Variants in PRKG1 observed in about 807,000 individuals in gnomAD.
The protein encoded by PRKG1 is cGMP-dependent protein kinase 1.
PRKG1 carries 35 observed loss-of-function variants against 88.1 expected under a neutral mutation model. The observed-to-expected ratio is 0.40, with a 90% confidence interval of 0.30 to 0.53. PRKG1 has a LOEUF of 0.53. Ranked by LOEUF, PRKG1 falls within the 20% of genes least tolerant of loss-of-function variation. PRKG1 has a pLI of 0.59. For missense variants in PRKG1, 540 were observed against 839.8 expected, an observed-to-expected ratio of 0.64 and a Z score of 4.41; for synonymous variants, 303 against 292.5, an observed-to-expected ratio of 1.04 and a Z score of -0.37.
intron 5 of PRKG1, among the ~76,000 whole-genome samples, chr10:51,912,146 G>C (rs1842232202): frequency 6.6e-6 from 1 of 152,170 alleles, no homozygotes; most frequent in Non-Finnish European, 1.5e-5. Context: ...ATGTGCATCT[G>C]GTGGAAGGAA....
At chr10:51,675,496 T>A (rs1288133054) in intron 3 of PRKG1, among the ~76,000 whole-genome samples, 2 of 152,158 alleles carry the variant, frequency 1.3e-5, no homozygotes, top group Non-Finnish European at 2.9e-5. Flanking sequence ...AGATTCCCTT[T>A]CAGGGTATTT....
chr10:52,035,440 G>A (rs1247903604), intron 5 of PRKG1, among the ~76,000 whole-genome samples: 2 of 152,146 alleles, frequency 1.3e-5, no homozygotes, highest in Non-Finnish European at 2.9e-5. Flanking sequence ...CTAAGAGGCA[G>A]GCTAGTGGCT....
intron 2 of PRKG1, among the ~76,000 whole-genome samples, chr10:51,312,022 C>T (rs1221825684): frequency 6.6e-6 from 1 of 152,110 alleles, no homozygotes; most frequent in Non-Finnish European, 1.5e-5. Context: ...CAGGCATGTG[C>T]CACCACACCC....
intron 3 of PRKG1, among the ~76,000 whole-genome samples, chr10:51,744,633 GGAA>G (rs930834910): frequency 4.6e-5 from 7 of 152,304 alleles, no homozygotes; most frequent in South Asian, 2.1e-4. Context: ...TCTTATGTGT[GGAA>G]GAAGAATAGA....
intron 4 of PRKG1, among the ~76,000 whole-genome samples, chr10:51,857,988 C>T (rs570501561): frequency 8.3e-5 from 12 of 145,284 alleles, no homozygotes; most frequent in Admixed American, 2.2e-4. Flanking sequence ...AACACTGGTC[C>T]GCATTAGTGA....
chr10:51,778,023 T>A (rs987841296), intron 3 of PRKG1, among the ~76,000 whole-genome samples: 16 of 152,196 alleles, frequency 1.1e-4, no homozygotes, highest in African/African-American at 3.6e-4. Context: ...GAAAGACATT[T>A]TGATTGCTTC....
chr10:51,235,624 T>G (rs1326466727), intron 2 of PRKG1, among the ~76,000 whole-genome samples: 1 of 152,196 alleles, frequency 6.6e-6, no homozygotes, highest in Non-Finnish European at 1.5e-5. Flanking sequence ...ATGATGAATT[T>G]TAAAATACAA....
intron 1 of PRKG1, among the ~76,000 whole-genome samples, chr10:51,087,101 C>A (rs937271327): frequency 6.6e-6 from 1 of 152,164 alleles, no homozygotes; most frequent in Admixed American, 6.5e-5. Context: ...TTTTGTAGAT[C>A]AATCCATTGC....
chr10:51,639,426 G>A (rs1198925360), intron 3 of PRKG1, among the ~76,000 whole-genome samples: 2 of 117,694 alleles, frequency 1.7e-5, no homozygotes, highest in Non-Finnish European at 3.3e-5. Flanking sequence ...GACAGAGCCA[G>A]ACTCCATCTC....
chr10:51,438,693 A>AT (rs921312854), intron 2 of PRKG1, among the ~76,000 whole-genome samples: 1 of 151,868 alleles, frequency 6.6e-6, no homozygotes, highest in Non-Finnish European at 1.5e-5. Flanking sequence ...TGGCAGAGGC[A>AT]TTTTTGCTCA....
chr10:51,698,692 C>T (rs752483292), intron 3 of PRKG1: 2 of 1,614,230 alleles, frequency 1.2e-6, no homozygotes, highest in South Asian at 2.2e-5. Context: ...GTTGGGGCTG[C>T]ATTGCTCCTC....
At chr10:51,774,560 T>G (rs1316680744) in intron 3 of PRKG1, among the ~76,000 whole-genome samples, 1 of 152,108 alleles carries the variant, frequency 6.6e-6, no homozygotes, top group Non-Finnish European at 1.5e-5. Context: ...GTATGCTTAC[T>G]CTTCACACAA....
intron 9 of PRKG1, among the ~76,000 whole-genome samples, chr10:52,184,425 C>T (rs1002922634): frequency 6.6e-6 from 1 of 152,030 alleles, no homozygotes; most frequent in Admixed American, 6.6e-5. Flanking sequence ...CTAGATGTAC[C>T]AGTGTTTATC....
intron 1 of PRKG1, among the ~76,000 whole-genome samples, chr10:51,042,848 T>C (rs1843442840): frequency 6.6e-6 from 1 of 152,060 alleles, no homozygotes; most frequent in African/African-American, 2.4e-5. Context: ...AGGAATGGGG[T>C]TAATACCCTT....
At chr10:51,755,661 T>G (rs1484770891) in intron 3 of PRKG1, among the ~76,000 whole-genome samples, 1 of 152,250 alleles carries the variant, frequency 6.6e-6, no homozygotes, top group African/African-American at 2.4e-5. Flanking sequence ...CTAATCAAGC[T>G]TTTAAGTTAC....
At chr10:51,383,635 C>G (rs1396182515) in intron 2 of PRKG1, among the ~76,000 whole-genome samples, 1 of 152,062 alleles carries the variant, frequency 6.6e-6, no homozygotes, top group African/African-American at 2.4e-5. Context: ...CACTCTAAAC[C>G]CATCTCTTGA....
At chr10:51,820,841 A>T (rs1176755618) in intron 4 of PRKG1, among the ~76,000 whole-genome samples, 1 of 152,120 alleles carries the variant, frequency 6.6e-6, no homozygotes, top group African/African-American at 2.4e-5. Flanking sequence ...TTTGGTTATA[A>T]CTCTTACAGT....
chr10:51,296,587 G>A (rs1840725898), intron 2 of PRKG1, among the ~76,000 whole-genome samples: 1 of 151,782 alleles, frequency 6.6e-6, no homozygotes, highest in Non-Finnish European at 1.5e-5. Context: ...TATTAGCCTA[G>A]CTGAGTTTGT....
chr10:52,292,860 A>G (rs1330777436), intron 17 of PRKG1, among the ~76,000 whole-genome samples: 1 of 151,978 alleles, frequency 6.6e-6, no homozygotes, highest in Non-Finnish European at 1.5e-5. Context: ...CAAGACAGGG[A>G]TGCCCTCTCT....
Sources: allele counts gnomAD v4.1 joint callset (sites outside exome capture counted in the v4.1 genomes callset), GRCh38; gene constraint gnomAD v4.1.1; transcripts MANE v1.5; gene names NCBI Gene and HGNC (gene_info 2026-07-23, HGNC 2026-07-21).